The following AASS variants were observed in gnomAD, a reference collection of about 807,000 sequenced individuals.
The protein encoded by AASS is aminoadipate-semialdehyde synthase.
In AASS, 86 loss-of-function variants were observed where a neutral mutation model predicts 105.4. That is an observed-to-expected ratio of 0.82 (90% CI 0.69 to 0.98). The LOEUF (loss-of-function observed/expected upper bound fraction) is 0.98, where lower values mean the gene tolerates loss of function less well. Among genes scored for constraint, AASS ranks in the 50% least tolerant of loss-of-function variants. AASS has a pLI of 0.00. For synonymous variants in AASS, 381 were observed against 394.8 expected (o/e 0.96, Z 0.41); for missense variants, 1,048 against 1,143.2 (o/e 0.92, Z 1.20).
intron 19 of AASS, among the ~76,000 whole-genome samples, chr7:122,083,318 T>A (rs1793467089): frequency 6.6e-6 from 1 of 152,182 alleles, no homozygotes; most frequent in Non-Finnish European, 1.5e-5. Context: ...TGGGACCTGA[T>A]AGGTGCTAGA....
chr7:122,108,271 T>G (rs1404208825), intron 11 of AASS, among the ~76,000 whole-genome samples: 1 of 152,132 alleles, frequency 6.6e-6, no homozygotes, highest in Non-Finnish European at 1.5e-5. Flanking sequence ...CCAATTCTTC[T>G]CAAACTATTC....
At chr7:122,136,348 C>A (rs1439678967) in intron 1 of AASS, among the ~76,000 whole-genome samples, 1 of 152,020 alleles carries the variant, frequency 6.6e-6, no homozygotes, top group East Asian at 1.9e-4. Flanking sequence ...GCTAAGAAGG[C>A]TTTAGGAAGA....
chr7:122,091,589 T>C (rs10429059), intron 18 of AASS, 114 bp downstream of exon 18: 1 of 1,486,138 alleles, frequency 6.7e-7, no homozygotes, highest in East Asian at 2.3e-5. Context: ...CAGGAGGAGA[T>C]AATGGAGACA....
chr7:122,104,619 T>G (rs1398590925), intron 11 of AASS, among the ~76,000 whole-genome samples: 1 of 152,018 alleles, frequency 6.6e-6, no homozygotes, highest in Non-Finnish European at 1.5e-5. Flanking sequence ...AACTACGTCC[T>G]TTGCAGCAAT....
At chr7:122,098,340 TA>T in intron 15 of AASS, 109 bp downstream of exon 15, 1 of 1,285,030 alleles carries the variant, frequency 7.8e-7, no homozygotes, top group African/African-American at 1.5e-5. Context: ...ATACTTCAAT[TA>T]AAAACTTTAC....
At chr7:122,140,572 A>T (rs1035617175) in intron 1 of AASS, among the ~76,000 whole-genome samples, 4 of 151,316 alleles carry the variant, frequency 2.6e-5, no homozygotes, top group African/African-American at 7.3e-5. Context: ...ATGAAGGATC[A>T]CACATTCATT....
intron 4 of AASS, among the ~76,000 whole-genome samples, chr7:122,119,316 TAGGTA>T (rs949257116): frequency 1.4e-4 from 22 of 152,286 alleles, no homozygotes; most frequent in Middle Eastern, 6.8e-3. Flanking sequence ...ATTTGTCCCT[TAGGTA>T]ATCTCATCTA....
rs73442833 is a variant in AASS at position 122,097,048 on chromosome 7, C to T, written c.1655+1402G>A. Reference sequence around the variant, plus strand: ...TCAATTTTTTCTAAATAAAAATTAACGCTCATAACATTTATATAAATTGAG... The same window carrying T: ...TCAATTTTTTCTAAATAAAAATTAATGCTCATAACATTTATATAAATTGAG... On this transcript the variant is annotated intron_variant, in intron 15 of 23. Transcript: ENST00000417368. Among the ~76,000 whole-genome samples the T allele has an allele frequency of 4.2e-3, 644 of 152,066 alleles. 4 individuals are homozygous for T. The highest frequency in any genetic ancestry group is 0.015 in the African/African-American group (605 of 41,514).
chr7:122,128,629 T>C (rs1049163434), intron 3 of AASS, among the ~76,000 whole-genome samples: 3 of 152,226 alleles, frequency 2.0e-5, no homozygotes, highest in Non-Finnish European at 4.4e-5. Flanking sequence ...TACTTTACTC[T>C]TTGGCTCTTT....
intron 19 of AASS, among the ~76,000 whole-genome samples, chr7:122,083,950 C>T (rs935601863): frequency 1.3e-5 from 2 of 152,114 alleles, no homozygotes; most frequent in African/African-American, 4.8e-5. Flanking sequence ...ATCTTCCATC[C>T]TCAAGGAATC....
chr7:122,080,345 T>G (rs1246195332), intron 20 of AASS, among the ~76,000 whole-genome samples: 3 of 152,204 alleles, frequency 2.0e-5, no homozygotes, highest in Non-Finnish European at 4.4e-5. Flanking sequence ...AACACAGTCA[T>G]GCTCATTGGT....
intron 19 of AASS, 58 bp downstream of exon 19, chr7:122,085,954 G>A (rs775843272): frequency 3.8e-5 from 60 of 1,588,094 alleles, no homozygotes; most frequent in Non-Finnish European, 4.9e-5. Flanking sequence ...AAAATTAAGT[G>A]TACACATCAC....
At chr7:122,114,737 GAAT>G (rs1269568004) in intron 9 of AASS, among the ~76,000 whole-genome samples, 1 of 152,176 alleles carries the variant, frequency 6.6e-6, no homozygotes, top group African/African-American at 2.4e-5. Flanking sequence ...GACAAAAGAA[GAAT>G]GTTTCAAGAA....
Position 122,082,838 on chromosome 7 carries a change from G to C in AASS, c.2185-1243C>G, listed in dbSNP as rs181189834. ...GGAAGGAGTTAGGGAGGATACCATA[G>C]GAAGGTATTCAACATTATTCAACAT... On this transcript the variant is annotated intron_variant, in intron 19 of 23. Coordinates refer to ENST00000417368, the MANE Select transcript of AASS (RefSeq NM_005763.4). 3.9e-6 allele frequency: 5 copies of C among 1,289,458 alleles called. No individual in the cohort carries two copies. The East Asian group carries it at 1.7e-4, about 43-fold the overall frequency. The allele number at this position is 1,289,458 out of a possible 1,614,324, so 79.9% of individuals were successfully genotyped here.
chr7:122,086,332 TCTA>T (rs1258373100), intron 18 of AASS, among the ~76,000 whole-genome samples, 153 bp from the exon 19 acceptor site: 1 of 152,100 alleles, frequency 6.6e-6, no homozygotes, highest in Non-Finnish European at 1.5e-5. Flanking sequence ...CTTAAGCTGT[TCTA>T]CTAATATCAT....
rs1424755748 is a variant in AASS, at chr7:122,129,349, A to G, written c.387+12T>C. On this transcript the variant is annotated intron_variant, in intron 3 of 23. Coordinates refer to ENST00000417368, the MANE Select transcript of AASS (RefSeq NM_005763.4). ...TCTACATTAATATTTATAAATATTA[A>G]TCACTAATTACCTGTTTTAGAATCT... 3.3e-6 allele frequency: 5 copies of G among 1,519,894 alleles called. No homozygotes were observed. The African/African-American group carries it at 6.9e-5, about 21-fold the overall frequency. 94.2% of individuals were successfully genotyped at this position (1,519,894 alleles called of 1,614,324 possible).
At chr7:122,122,295 C>T (rs764277109) in intron 4 of AASS, among the ~76,000 whole-genome samples, 2 of 150,818 alleles carry the variant, frequency 1.3e-5, no homozygotes, top group Non-Finnish European at 3.0e-5. Flanking sequence ...CAAAATGGAG[C>T]ATAAAGAGAG....
intron 11 of AASS, among the ~76,000 whole-genome samples, chr7:122,104,271 A>G (rs949679131): frequency 7.4e-5 from 11 of 148,230 alleles, no homozygotes; most frequent in Non-Finnish European, 1.5e-4. Context: ...TGTGGTATAT[A>G]TACACCATGG....
At chr7:122,076,886 G>A (rs544714730) in intron 23 of AASS, among the ~76,000 whole-genome samples, 1 of 152,294 alleles carries the variant, frequency 6.6e-6, no homozygotes, top group East Asian at 1.9e-4. Context: ...AGGACAATCA[G>A]AGAACAAAGT....
Sources: allele counts gnomAD v4.1 joint callset (sites outside exome capture counted in the v4.1 genomes callset), GRCh38; gene constraint gnomAD v4.1.1; transcripts MANE v1.5; gene names NCBI Gene and HGNC (gene_info 2026-07-23, HGNC 2026-07-21).